Variants in MYSM1 observed in about 807,000 individuals in gnomAD.
MYSM1 encodes Myb like, SWIRM and MPN domains 1, also known as deubiquitinase MYSM1.
MYSM1 carries 51 observed loss-of-function variants against 116.0 expected under a neutral mutation model. That is an observed-to-expected ratio of 0.44 (90% CI 0.35 to 0.56). The LOEUF is 0.56. Among genes scored for constraint, MYSM1 ranks in the 20% least tolerant of loss-of-function variants. MYSM1 has a pLI of 0.00. For missense variants in MYSM1, 900 were observed against 974.9 expected (o/e 0.92, Z 1.02); for synonymous variants, 313 against 315.2 (o/e 0.99, Z 0.07).
intron 5 of MYSM1, 199 bp from the exon 6 acceptor site, chr1:58,689,315 A>C: frequency 2.0e-6 from 1 of 490,968 alleles, no homozygotes; most frequent in Admixed American, 4.0e-5. Context: ...TCTCTAGCTC[A>C]GGATGATGGG....
At chr1:58,688,983 AC>A in intron 6 of MYSM1, 54 bp downstream of exon 6, 1 of 1,460,084 alleles carries the variant, frequency 6.8e-7, no homozygotes, top group Non-Finnish European at 9.4e-7. Flanking sequence ...TTATAACTTT[AC>A]CAATATTTGC....
In MYSM1 at chr1:58,667,223, A is replaced by G. The variant is rs780300952; in HGVS notation, c.1846T>C (p.Cys616Arg). The part of the protein sequence containing the change: ...YSEVDKVVEV[C>R]AAEPCNSLST... ...AGACTGTTACATGGTTCTGCTGCAC[A>G]GACCTATAAACGATTGATCCTCAAA... The change falls in exon 16 of 20, where the codon TGT (cysteine) becomes CGT (arginine). Residue 616 changes from cysteine to arginine, a missense_variant. Physicochemically the swap from Cys to Arg is radical, Grantham distance 180. This residue lies in a region of MYSM1 where 92 missense variants were observed against 155.0 expected (regional missense o/e 0.59). Coordinates refer to ENST00000472487, the MANE Select transcript of MYSM1 (RefSeq NM_001085487.3). The G allele has an allele frequency of 7.1e-6, 11 of 1,558,400 alleles. No individual in the cohort carries two copies. The highest frequency in any genetic ancestry group is 9.6e-6 in the Non-Finnish European group (11 of 1,148,794).
At chr1:58,675,048 T>A (rs944803992) in intron 10 of MYSM1, among the ~76,000 whole-genome samples, 2 of 151,848 alleles carry the variant, frequency 1.3e-5, no homozygotes, top group African/African-American at 4.8e-5. Context: ...ATTTACGAAT[T>A]TTAAAATATT....
chr1:58,698,603 A>G (rs1645017299), intron 1 of MYSM1, among the ~76,000 whole-genome samples: 1 of 152,194 alleles, frequency 6.6e-6, no homozygotes, highest in South Asian at 2.1e-4. Context: ...GCATACAGCC[A>G]ATGCCCTCAG....
rs1553140025 is a variant in MYSM1 at position 58,698,105 on chromosome 1, T to TTATTTATTTATTTATTTA, written c.68+1879_68+1880insTAAATAAATAAATAAATA. 1.7e-4 allele frequency among the ~76,000 whole-genome samples: 10 copies of TTATTTATTTATTTATTTA among 58,072 alleles called. No homozygotes were observed. In the South Asian group the frequency reaches 2.5e-3, roughly 14 times the overall value. The allele number at this position is 58,072 out of a possible 152,430, so 38.1% of individuals were successfully genotyped here. ...CAGACTATATATATATATATATATTTTTTTTTTTTTTTTGAGACAGAGTCT... is the reference window on the plus strand; with the variant it reads ...CAGACTATATATATATATATATATTTTATTTATTTATTTATTTATTTTTTTTTTTTTGAGACAGAGTCT... On this transcript the variant is annotated intron_variant, in intron 1 of 19. Coordinates refer to ENST00000472487, the MANE Select transcript of MYSM1 (RefSeq NM_001085487.3).
At chr1:58,680,729 C>G (rs996330700) in intron 8 of MYSM1, among the ~76,000 whole-genome samples, 2 of 152,182 alleles carry the variant, frequency 1.3e-5, no homozygotes, top group Non-Finnish European at 1.5e-5. Context: ...AAAGCAGAAC[C>G]CCTGCTCAAG....
chr1:58,668,498 T>G (rs2100606132), intron 14 of MYSM1, 134 bp downstream of exon 14: 2 of 1,368,804 alleles, frequency 1.5e-6, no homozygotes, highest in African/African-American at 3.1e-5. Flanking sequence ...AAAAGACTTA[T>G]TTTTAGATTC....
At chr1:58,674,494 T>A (rs1557512937) in intron 10 of MYSM1, among the ~76,000 whole-genome samples, 1 of 152,214 alleles carries the variant, frequency 6.6e-6, no homozygotes, top group African/African-American at 2.4e-5. Flanking sequence ...TAAATCTAGA[T>A]AGAAATGGTT....
chr1:58,672,830 T>C lies in MYSM1; in HGVS notation c.1572+743A>G, dbSNP rs1256739113. Among the ~76,000 whole-genome samples, 4 of 152,282 alleles carry C rather than the reference T, an allele frequency of 2.6e-5. No homozygotes were observed. In the South Asian group the frequency reaches 6.2e-4, roughly 24 times the overall value. Reference sequence around the variant, plus strand: ...GGGACCAACCTTATTGAACTTACCATAGGTTTTGTCTTTCCTATTAGAAAT... The same window carrying C: ...GGGACCAACCTTATTGAACTTACCACAGGTTTTGTCTTTCCTATTAGAAAT... On this transcript the variant is annotated intron_variant, in intron 11 of 19. Coordinates refer to ENST00000472487, the MANE Select transcript of MYSM1 (RefSeq NM_001085487.3).
At position 58,681,953 on chromosome 1, in the gene MYSM1, T is replaced by C. The variant is rs554392691; in HGVS notation, c.1091A>G (p.Glu364Gly). 51 of 1,614,056 alleles carry C rather than the reference T, an allele frequency of 3.2e-5. No individual in the cohort carries two copies. Among genetic ancestry groups the C allele is most frequent in the Middle Eastern group, 3.3e-4 (2 of 6,084 alleles). ...AAGCTCTTCTTCCTCATGGCTTTCC[T>C]CTACCATTTGGCAAGAATGAAAAAG... ...EMLFHSCQMVEESHEEEELKP... is the reference protein window; with the variant it reads ...EMLFHSCQMVGESHEEEELKP... The change falls in exon 8 of 20, where the codon GAG (glutamate) becomes GGG (glycine). Residue 364 changes from glutamate to glycine, a missense_variant. Coordinates refer to ENST00000472487, the MANE Select transcript of MYSM1 (RefSeq NM_001085487.3).
chr1:58,671,088 TCTTAAG>T lies in MYSM1; in HGVS notation c.1661+776_1661+781del, dbSNP rs566267419. Among the ~76,000 whole-genome samples, 78 of 152,320 alleles carry T rather than the reference TCTTAAG, an allele frequency of 5.1e-4. 2 individuals carry two copies. The South Asian group carries it at 0.015, about 29-fold the overall frequency. ...TACTGTAATGATTAGGGGTATGAAC[TCTTAAG>T]CTTAACACTTGGGTTTAAAATCAAC... On this transcript the variant is annotated intron_variant, in intron 12 of 19. Coordinates refer to ENST00000472487, the MANE Select transcript of MYSM1 (RefSeq NM_001085487.3).
At chr1:58,699,863 C>T in intron 1 of MYSM1, 122 bp downstream of exon 1, 1 of 1,487,968 alleles carries the variant, frequency 6.7e-7, no homozygotes, top group African/African-American at 1.4e-5. Flanking sequence ...CAACAAGAGA[C>T]CCTGGCCCAG....
chr1:58,660,508 T>C (rs910519655), intron 19 of MYSM1, among the ~76,000 whole-genome samples: 4 of 152,158 alleles, frequency 2.6e-5, no homozygotes, highest in African/African-American at 9.6e-5. Flanking sequence ...AAAATCTAGG[T>C]ACATAAAAAC....
At chr1:58,663,611 G>C (rs916745534) in intron 17 of MYSM1, among the ~76,000 whole-genome samples, 1 of 152,194 alleles carries the variant, frequency 6.6e-6, no homozygotes, top group African/African-American at 2.4e-5. Flanking sequence ...CTGTCCAATG[G>C]TAGCTCATGG....
chr1:58,665,933 T>C (rs566862503), intron 16 of MYSM1, among the ~76,000 whole-genome samples: 1 of 152,188 alleles, frequency 6.6e-6, no homozygotes, highest in Admixed American at 6.5e-5. Flanking sequence ...GGCACGTGCC[T>C]GTAACCCCAG....
intron 1 of MYSM1, among the ~76,000 whole-genome samples, chr1:58,696,593 C>T (rs1391889636): frequency 2.0e-5 from 3 of 152,148 alleles, no homozygotes; most frequent in South Asian, 2.1e-4. Flanking sequence ...TTCATACTAC[C>T]TCTGAGGTCC....
At position 58,668,914 on chromosome 1, in the gene MYSM1, G is replaced by A. The variant is rs11207284; in HGVS notation, c.1716+70C>T. ...CATATGCCTTGCACATACGGAAAAA[G>A]AGTAAGCATTTCCTGTTTGACGGGG... is the stretch of plus-strand genomic sequence containing the variant. On this transcript the variant is annotated intron_variant, in intron 13 of 19. Transcript: ENST00000472487. 3,476 of 1,236,904 alleles carry A rather than the reference G, an allele frequency of 2.8e-3. 19 individuals carry two copies. Among genetic ancestry groups the A allele is most frequent in the Middle Eastern group, 9.3e-3 (50 of 5,354 alleles). 76.6% of individuals were successfully genotyped at this position (1,236,904 alleles called of 1,614,324 possible).
At position 58,661,550 on chromosome 1, in the gene MYSM1, T is replaced by C. The variant is rs765337213; in HGVS notation, c.2165-39A>G. On this transcript the variant is annotated intron_variant, in intron 17 of 19. Coordinates refer to ENST00000472487, the MANE Select transcript of MYSM1 (RefSeq NM_001085487.3). ...AAGAAGCACATTGTCATCAACTATT[T>C]CTTAACTCTCCAATCTCCTTTTAAT... 95 of 1,119,448 alleles carry C rather than the reference T, an allele frequency of 8.5e-5. 1 individual carries two copies. In the South Asian group the frequency reaches 1.2e-3, roughly 14 times the overall value. The allele number at this position is 1,119,448 out of a possible 1,614,324, so 69.3% of individuals were successfully genotyped here.
At position 58,669,015 on chromosome 1, in the gene MYSM1, A is replaced by G; in HGVS notation, c.1685T>C (p.Ile562Thr). The G allele has an allele frequency of 6.2e-7, 1 of 1,603,342 alleles. No individual in the cohort carries two copies. Among genetic ancestry groups the G allele is most frequent in the Non-Finnish European group, 8.5e-7 (1 of 1,176,086 alleles). The change falls in exon 13 of 20, where the codon ATA becomes ACA. Residue 562 changes from isoleucine (I) to threonine (T), a missense_variant. By Grantham distance (89) the Ile-to-Thr change is moderately conservative. This residue lies in a region of MYSM1 where 92 missense variants were observed against 155.0 expected (regional missense o/e 0.59). Transcript: ENST00000472487. ...TKSSFDPFQL[I>T]PCNFFSEEKQ... is the part of the protein sequence containing the mutation. ...TTCTTCACTAAAAAAATTACAAGGT[A>G]TCAGTTGGAAGGGATCAAACGAGCT...
Sources: allele counts gnomAD v4.1 joint callset (sites outside exome capture counted in the v4.1 genomes callset), GRCh38; gene constraint gnomAD v4.1.1; regional missense constraint gnomAD v4.1.1; transcripts MANE v1.5; gene names NCBI Gene and HGNC (gene_info 2026-07-23, HGNC 2026-07-21).